SLC5A1: variants seen among roughly 807,000 people sequenced by gnomAD.
SLC5A1 encodes the protein solute carrier family 5 member 1, also known as sodium/glucose cotransporter 1.
In SLC5A1, 42 loss-of-function variants were observed where a neutral mutation model predicts 73.5. The observed-to-expected ratio is 0.57, with a 90% CI of 0.45 to 0.74. The LOEUF (loss-of-function observed/expected upper bound fraction) is 0.74, where lower values mean the gene tolerates loss of function less well. SLC5A1 is among the 30% of genes least tolerant of loss of function. The pLI is 0.00. For synonymous variants in SLC5A1, 300 were observed against 317.4 expected (o/e 0.95, Z 0.58); for missense variants, 634 against 855.4 (o/e 0.74, Z 3.23).
At chr22:32,075,023 A>C (rs142453174) in intron 5 of SLC5A1, among the ~76,000 whole-genome samples, 1,957 of 148,476 alleles carry the variant, frequency 0.013, 74 homozygotes, top group Admixed American at 0.08. Flanking sequence ...CAGCCTCCTG[A>C]GTAGCTGAGA....
Position 32,108,798 on chromosome 22 carries a change from C to T in SLC5A1, c.1772-1192C>T, listed in dbSNP as rs2267175. Among the ~76,000 whole-genome samples the T allele has an allele frequency of 0.014, 2,055 of 152,134 alleles. 235 individuals are homozygous for T. The East Asian group carries it at 0.29, about 22-fold the overall frequency. ...AGGTGAATTAACAAGACCATAAAGC[C>T]AGGTTTTGGTCCCAATTCTGACTCG... On this transcript the variant is annotated intron_variant, in intron 14 of 14. Coordinates refer to ENST00000266088, the MANE Select transcript of SLC5A1 (RefSeq NM_000343.4).
intron 2 of SLC5A1, among the ~76,000 whole-genome samples, chr22:32,054,467 CA>C (rs2093949015): frequency 6.6e-6 from 1 of 152,132 alleles, no homozygotes; most frequent in East Asian, 1.9e-4. Flanking sequence ...CTTCCTTATT[CA>C]ACATAGGCTC....
chr22:32,087,198 A>G (rs2094009684), intron 10 of SLC5A1, among the ~76,000 whole-genome samples: 1 of 152,192 alleles, frequency 6.6e-6, no homozygotes, highest in Non-Finnish European at 1.5e-5. Context: ...ACTATAGTTA[A>G]TAGCAACGTA....
intron 4 of SLC5A1, 35 bp downstream of exon 4, chr22:32,068,061 G>A (rs1244817227): frequency 6.3e-7 from 1 of 1,592,576 alleles, no homozygotes; most frequent in Non-Finnish European, 8.6e-7. Flanking sequence ...TTTCCTGCTG[G>A]CAAATGTATC....
At chr22:32,071,059 G>C (rs995444706) in intron 5 of SLC5A1, among the ~76,000 whole-genome samples, 5 of 152,212 alleles carry the variant, frequency 3.3e-5, no homozygotes, top group Non-Finnish European at 7.3e-5. Flanking sequence ...TTATGAGTAA[G>C]ATGGGGATAG....
chr22:32,073,540 T>C (rs1165710665), intron 5 of SLC5A1, among the ~76,000 whole-genome samples: 1 of 151,892 alleles, frequency 6.6e-6, no homozygotes, highest in Non-Finnish European at 1.5e-5. Context: ...TGCTTCAGGG[T>C]TGGTGTTTTT....
At chr22:32,089,432 G>C (rs2094013465) in intron 10 of SLC5A1, among the ~76,000 whole-genome samples, 1 of 152,154 alleles carries the variant, frequency 6.6e-6, no homozygotes, top group Non-Finnish European at 1.5e-5. Context: ...ATCTCAAGAG[G>C]CATGAATGCT....
chr22:32,097,305 G>C (rs1340798373), intron 11 of SLC5A1, among the ~76,000 whole-genome samples: 1 of 152,212 alleles, frequency 6.6e-6, no homozygotes, highest in Non-Finnish European at 1.5e-5. Context: ...CTGGGGAAGG[G>C]AGAACCTGAG....
intron 12 of SLC5A1, among the ~76,000 whole-genome samples, chr22:32,101,787 C>T (rs529821619): frequency 5.9e-5 from 9 of 151,950 alleles, no homozygotes; most frequent in South Asian, 2.1e-4. Flanking sequence ...GTTTAATGAT[C>T]GAGGTGAAAT....
chr22:32,088,486 G>A (rs1352386268), intron 10 of SLC5A1, among the ~76,000 whole-genome samples: 1 of 151,924 alleles, frequency 6.6e-6, no homozygotes, highest in African/African-American at 2.4e-5. Context: ...ACAGGCACCT[G>A]CCACCACGCC....
In SLC5A1 at chr22:32,111,718, G is replaced by A. The variant is rs2094057468; in HGVS notation, c.*1505G>A. ...ATGGGAATGCATTTGTTGCTCCCAG[G>A]ACCCTGGCACCTTGACTCTGGTACT... On this transcript the variant is annotated 3_prime_UTR_variant, in exon 15 of 15. Coordinates refer to ENST00000266088, the MANE Select transcript of SLC5A1 (RefSeq NM_000343.4). The A allele has an allele frequency of 6.6e-6, 1 of 152,152 alleles. No homozygotes were observed. The highest frequency in any genetic ancestry group is 6.5e-5 in the Admixed American group (1 of 15,268). The allele number at this position is 152,152 out of a possible 1,614,324, so 9.4% of individuals were successfully genotyped here.
At chr22:32,109,786 C>T (rs55739336) in intron 14 of SLC5A1, among the ~76,000 whole-genome samples, 6,852 of 152,192 alleles carry the variant, frequency 0.045, 210 homozygotes, top group Non-Finnish European at 0.071. Context: ...GATAGTAAGA[C>T]CATTTTGTCA....
Position 32,111,951 on chromosome 22 carries a change from T to C in SLC5A1, c.*1738T>C, listed in dbSNP as rs1210512034. ...CCTTGGTAGAAAAGCAGAAGCTGCT[T>C]TGACCGTGAAAATATTTGACTCCTA... is the stretch of plus-strand genomic sequence containing the variant. On this transcript the variant is annotated 3_prime_UTR_variant, in exon 15 of 15. Transcript: ENST00000266088. 3 of 152,250 alleles carry C rather than the reference T, an allele frequency of 2.0e-5. No homozygotes were observed. The highest frequency in any genetic ancestry group is 6.5e-5 in the Admixed American group (1 of 15,294). The allele number at this position is 152,250 out of a possible 1,614,324, so 9.4% of individuals were successfully genotyped here. A position where few individuals can be genotyped will look rare whatever the true frequency, so the allele number is the denominator to read the frequency against.
chr22:32,060,106 CACACACATATAT>C (rs1569302173), intron 2 of SLC5A1, among the ~76,000 whole-genome samples: 34 of 149,286 alleles, frequency 2.3e-4, no homozygotes, highest in South Asian at 1.5e-3. Flanking sequence ...CATATATATA[CACACACATATAT>C]ATACATACAC....
intron 10 of SLC5A1, among the ~76,000 whole-genome samples, chr22:32,087,911 C>T (rs1313001339): frequency 1.3e-5 from 2 of 152,114 alleles, no homozygotes; most frequent in Non-Finnish European, 2.9e-5. Context: ...TGGTGTCTGG[C>T]ATTTGGCATG....
At chr22:32,044,724 G>A (rs1167603703) in intron 1 of SLC5A1, among the ~76,000 whole-genome samples, 3 of 152,018 alleles carry the variant, frequency 2.0e-5, no homozygotes, top group African/African-American at 7.3e-5. Context: ...ACTTCCCTCA[G>A]CCTCCAGTTT....
Position 32,085,012 on chromosome 22 carries a change from T to C in SLC5A1, c.998T>C (p.Met333Thr). ...MPMFIMVMPG[M>T]ISRILYTEKI... Reference sequence around the variant, plus strand: ...ATGTTCATCATGGTGATGCCAGGAATGATCAGCCGCATTCTGTACACAGGT... The same window carrying C: ...ATGTTCATCATGGTGATGCCAGGAACGATCAGCCGCATTCTGTACACAGGT... Residue 333 changes from methionine (M) to threonine (T), a missense_variant, in exon 9 of 15, where the codon ATG (methionine) becomes ACG (threonine). Met to Thr is a moderately conservative substitution (Grantham distance 81). Coordinates refer to ENST00000266088, the MANE Select transcript of SLC5A1 (RefSeq NM_000343.4). The C allele has an allele frequency of 6.2e-7, 1 of 1,614,224 alleles. No individual in the cohort carries two copies. Among genetic ancestry groups the C allele is most frequent in the Non-Finnish European group, 8.5e-7 (1 of 1,180,032 alleles).
chr22:32,081,317 G>A (rs1438064581), intron 5 of SLC5A1, among the ~76,000 whole-genome samples: 2 of 152,120 alleles, frequency 1.3e-5, no homozygotes, highest in Non-Finnish European at 2.9e-5. Flanking sequence ...GCTTGGTGAT[G>A]TTCTGGTTGT....
intron 13 of SLC5A1, among the ~76,000 whole-genome samples, chr22:32,104,121 G>A (rs745321949): frequency 7.2e-5 from 11 of 152,118 alleles, no homozygotes; most frequent in African/African-American, 2.2e-4. Flanking sequence ...CAAACCTAAC[G>A]TCAAACAAAG....
Sources: allele counts gnomAD v4.1 joint callset (sites outside exome capture counted in the v4.1 genomes callset), GRCh38; gene constraint gnomAD v4.1.1; transcripts MANE v1.5; gene names NCBI Gene and HGNC (gene_info 2026-07-23, HGNC 2026-07-21).